LDAH: variants seen among roughly 807,000 people sequenced by gnomAD.
The protein encoded by LDAH is lipid droplet-associated hydrolase.
In LDAH, 26 loss-of-function variants were observed where a neutral mutation model predicts 29.6. The observed-to-expected ratio is 0.88, with a 90% CI of 0.64 to 1.22. The LOEUF is 1.22. LDAH is among the 50% of genes most tolerant of loss of function. The pLI is 0.00. For missense variants in LDAH, 344 were observed against 387.3 expected, an observed-to-expected ratio of 0.89 and a Z score of 0.94; for synonymous variants, 117 against 133.0, an observed-to-expected ratio of 0.88 and a Z score of 0.83.
chr2:20,755,752 T>C (rs997921528), intron 4 of LDAH, among the ~76,000 whole-genome samples: 5 of 152,202 alleles, frequency 3.3e-5, no homozygotes, highest in African/African-American at 1.2e-4. Flanking sequence ...AGGAACATCA[T>C]AAAAACAATA....
chr2:20,750,840 A>G (rs1326489427), intron 4 of LDAH, among the ~76,000 whole-genome samples: 1 of 152,260 alleles, frequency 6.6e-6, no homozygotes, highest in Non-Finnish European at 1.5e-5. Context: ...AAAAAGAATG[A>G]AATCATGTCC....
chr2:20,709,547 C>T (rs1190517907), intron 5 of LDAH, among the ~76,000 whole-genome samples: 1 of 152,114 alleles, frequency 6.6e-6, no homozygotes, highest in African/African-American at 2.4e-5. Context: ...ACCCTCATGT[C>T]TTGTTGTTAG....
At chr2:20,790,945 A>C (rs115556761) in intron 2 of LDAH, among the ~76,000 whole-genome samples, 1 of 152,150 alleles carries the variant, frequency 6.6e-6, no homozygotes, top group African/African-American at 2.4e-5. Context: ...ATAGATCTGT[A>C]GGGGGGAAAT....
chr2:20,814,854 C>T (rs182708376), intron 1 of LDAH, among the ~76,000 whole-genome samples: 5 of 152,300 alleles, frequency 3.3e-5, no homozygotes, highest in Admixed American at 3.3e-4. Context: ...CCTAAATTCT[C>T]TTCTCCATTT....
At chr2:20,803,280 G>A (rs183316113) in intron 1 of LDAH, among the ~76,000 whole-genome samples, 2 of 152,242 alleles carry the variant, frequency 1.3e-5, no homozygotes, top group Non-Finnish European at 2.9e-5. Context: ...TCTGGCTAGC[G>A]GCTGTGTGCT....
chr2:20,817,464 C>T (rs1404745121), intron 1 of LDAH, among the ~76,000 whole-genome samples: 1 of 152,114 alleles, frequency 6.6e-6, no homozygotes, highest in East Asian at 1.9e-4. Context: ...TAACCTCTCA[C>T]ACCTCTCTAC....
intron 3 of LDAH, among the ~76,000 whole-genome samples, chr2:20,785,088 C>T (rs141499341): frequency 6.6e-6 from 1 of 152,300 alleles, no homozygotes; most frequent in Non-Finnish European, 1.5e-5. Flanking sequence ...AAACAGCTAT[C>T]TACCAGATCA....
chr2:20,779,085 T>A (rs1670008232), intron 3 of LDAH, among the ~76,000 whole-genome samples: 1 of 152,176 alleles, frequency 6.6e-6, no homozygotes, highest in Non-Finnish European at 1.5e-5. Flanking sequence ...CTGCAGACAG[T>A]AACTACATCT....
intron 2 of LDAH, among the ~76,000 whole-genome samples, chr2:20,795,468 C>A (rs1012253293): frequency 2.6e-4 from 40 of 152,118 alleles, no homozygotes; most frequent in African/African-American, 9.7e-4. Context: ...TCCATATGAC[C>A]TCCTAAGAAT....
chr2:20,784,242 T>C (rs1670396244), intron 3 of LDAH, among the ~76,000 whole-genome samples: 1 of 151,786 alleles, frequency 6.6e-6, no homozygotes, highest in Non-Finnish European at 1.5e-5. Flanking sequence ...CCTGTCCCTA[T>C]AAAAAATATA....
intron 1 of LDAH, among the ~76,000 whole-genome samples, chr2:20,806,646 AT>A (rs1374603626): frequency 6.6e-6 from 1 of 152,040 alleles, no homozygotes; most frequent in Non-Finnish European, 1.5e-5. Context: ...GTTAAAAAAA[AT>A]CCATAACCAC....
At chr2:20,794,167 G>A (rs1041957535) in intron 2 of LDAH, among the ~76,000 whole-genome samples, 3 of 152,110 alleles carry the variant, frequency 2.0e-5, no homozygotes, top group African/African-American at 7.2e-5. Flanking sequence ...AAAAGAAAGG[G>A]AGTGTGTGCA....
At chr2:20,694,873 C>A (rs1663322608) in intron 6 of LDAH, among the ~76,000 whole-genome samples, 1 of 152,234 alleles carries the variant, frequency 6.6e-6, no homozygotes. Context: ...CACATACAAG[C>A]CACGAGGCCA....
chr2:20,736,347 C>G (rs927836610), intron 5 of LDAH, among the ~76,000 whole-genome samples: 5 of 152,022 alleles, frequency 3.3e-5, no homozygotes, highest in African/African-American at 1.2e-4. Flanking sequence ...GAGACTGAGG[C>G]AGGAGAATTG....
intron 4 of LDAH, among the ~76,000 whole-genome samples, chr2:20,749,322 T>C (rs983909657): frequency 6.6e-6 from 1 of 152,136 alleles, no homozygotes; most frequent in African/African-American, 2.4e-5. Flanking sequence ...ACAAGCAAAG[T>C]GCTGATGATA....
intron 5 of LDAH, among the ~76,000 whole-genome samples, chr2:20,702,529 T>C (rs1052081004): frequency 1.3e-5 from 2 of 152,186 alleles, no homozygotes; most frequent in African/African-American, 4.8e-5. Context: ...TCATCTTGCT[T>C]TATATACCCT....
chr2:20,755,594 A>G (rs1290858364), intron 4 of LDAH, among the ~76,000 whole-genome samples: 1 of 152,200 alleles, frequency 6.6e-6, no homozygotes, highest in East Asian at 1.9e-4. Flanking sequence ...GCTGAGAGGC[A>G]GCCAGTCCCC....
chr2:20,771,847 T>C (rs568792566), intron 4 of LDAH, among the ~76,000 whole-genome samples: 1 of 151,504 alleles, frequency 6.6e-6, no homozygotes, highest in African/African-American at 2.4e-5. Flanking sequence ...ACACCCTTTT[T>C]AAGAAGATAA....
chr2:20,791,836 A>G (rs1482075470), intron 2 of LDAH, among the ~76,000 whole-genome samples: 1 of 152,190 alleles, frequency 6.6e-6, no homozygotes, highest in Non-Finnish European at 1.5e-5. Flanking sequence ...TTCCAAGACC[A>G]TTTATTATAT....
Sources: gnomAD v4.1 joint callset for allele counts (sites outside exome capture counted in the v4.1 genomes callset) on GRCh38, gnomAD v4.1.1 for gene constraint, MANE v1.5 for transcripts, NCBI Gene and HGNC (gene_info 2026-07-23, HGNC 2026-07-21) for gene names.